The following DLG3 variants were observed in gnomAD, a reference collection of about 807,000 sequenced individuals.
The protein encoded by DLG3 is disks large homolog 3.
DLG3 carries 1 observed loss-of-function variant against 64.1 expected under a neutral mutation model. That is an observed-to-expected ratio of 0.02 (90% confidence interval 0.01 to 0.07). The LOEUF is 0.07. DLG3 is among the 10% of genes least tolerant of loss of function. The pLI is 1.00. For synonymous variants in DLG3, 245 were observed against 259.8 expected (o/e 0.94, Z 0.55); for missense variants, 429 against 669.5 (o/e 0.64, Z 3.96).
intron 10 of DLG3, among the ~76,000 whole-genome samples, chrX:70,489,894 G>T (rs749150342): frequency 2.7e-5 from 3 of 109,596 alleles, no homozygotes; most frequent in Non-Finnish European, 5.7e-5. Flanking sequence ...ACAGAGTCTC[G>T]CTCTGTCACC....
intron 9 of DLG3, among the ~76,000 whole-genome samples, chrX:70,473,318 C>G (rs751579355): frequency 9.0e-6 from 1 of 110,518 alleles, no homozygotes; most frequent in Non-Finnish European, 1.9e-5. Context: ...TTCCTTCTGT[C>G]TGGAATGCTT....
At chrX:70,479,017 C>A in intron 9 of DLG3, 133 bp from the exon 10 acceptor site, 1 of 549,718 alleles carries the variant, frequency 1.8e-6, no homozygotes, top group Non-Finnish European at 3.1e-6. Flanking sequence ...CTTATCAAAG[C>A]AAAGACTGAG....
intron 1 of DLG3, chrX:70,448,607 C>A: frequency 8.6e-7 from 1 of 1,165,715 alleles, no homozygotes; most frequent in Non-Finnish European, 1.1e-6. Flanking sequence ...CCTAGTGAAC[C>A]CTGAGACACT....
At chrX:70,484,871 G>A (rs1309183267) in intron 10 of DLG3, among the ~76,000 whole-genome samples, 2 of 111,768 alleles carry the variant, frequency 1.8e-5, no homozygotes, top group South Asian at 3.8e-4. Flanking sequence ...AGGGAGGCCC[G>A]ATCACTCCTT....
Position 70,445,346 on chromosome X carries a change from G to T in DLG3, c.145G>T (p.Ala49Ser). 1 of 1,171,012 alleles carries T rather than the reference G, an allele frequency of 8.5e-7. No homozygotes were observed. The highest frequency in any genetic ancestry group is 1.1e-6 in the Non-Finnish European group (1 of 876,331). ...YGPGGGNGAS[A>S]GYGGYSSQTL... is the part of the protein sequence containing the mutation. ...GCCAGGTGGGGGCAACGGCGCCAGC[G>T]CGGGTTATGGGGGCTACAGCTCGCA... Residue 49 changes from alanine (A) to serine (S), a missense_variant, in exon 1 of 19, where the codon GCG becomes TCG. Physicochemically the swap from Ala to Ser is moderately conservative, Grantham distance 99. Around this residue, in one of 9 missense-constraint regions of DLG3, gnomAD observed 123 missense variants for 113.3 expected, o/e 1.09. Coordinates refer to ENST00000374360, the MANE Select transcript of DLG3 (RefSeq NM_021120.4).
At chrX:70,469,168 G>A (rs2086930673) in intron 9 of DLG3, among the ~76,000 whole-genome samples, 1 of 110,302 alleles carries the variant, frequency 9.1e-6, no homozygotes, top group South Asian at 3.9e-4. Context: ...ACACCACCAC[G>A]CCTGACTAAT....
At chrX:70,446,271 G>C (rs2086567132) in intron 1 of DLG3, among the ~76,000 whole-genome samples, 1 of 110,816 alleles carries the variant, frequency 9.0e-6, no homozygotes, top group Non-Finnish European at 1.9e-5. Context: ...GTGTGAGTGT[G>C]TGTTTGTATG....
intron 18 of DLG3, among the ~76,000 whole-genome samples, chrX:70,501,653 C>G: frequency 9.0e-6 from 1 of 111,209 alleles, no homozygotes; most frequent in South Asian, 3.9e-4. Flanking sequence ...CATCCATGTC[C>G]TTGTTTGCTG....
chrX:70,457,750 T>C (rs1446517850), intron 9 of DLG3, among the ~76,000 whole-genome samples: 1 of 110,246 alleles, frequency 9.1e-6, no homozygotes, highest in Non-Finnish European at 1.9e-5. Context: ...TTTTTGTATT[T>C]TTAGTAGAGA....
At chrX:70,490,268 C>T (rs2087335204) in intron 10 of DLG3, among the ~76,000 whole-genome samples, 1 of 112,016 alleles carries the variant, frequency 8.9e-6, no homozygotes, top group Non-Finnish European at 1.9e-5. Context: ...TCTTTGAAAC[C>T]CATAATGACA....
At chrX:70,484,957 AT>A (rs1217681006) in intron 10 of DLG3, among the ~76,000 whole-genome samples, 5 of 112,112 alleles carry the variant, frequency 4.5e-5, no homozygotes, top group Admixed American at 9.5e-5. Context: ...GCTGCTGGAA[AT>A]TTAATTCTTA....
chrX:70,497,108 T>G, intron 13 of DLG3: 3 of 1,055,044 alleles, frequency 2.8e-6, no homozygotes, highest in African/African-American at 1.8e-5. Flanking sequence ...CCTGGAGCAT[T>G]TGAGTTTTGT....
chrX:70,471,708 A>G (rs1389588933), intron 9 of DLG3, among the ~76,000 whole-genome samples: 1 of 111,368 alleles, frequency 9.0e-6, no homozygotes, highest in Admixed American at 9.6e-5. Context: ...CTCACTCTAC[A>G]TCCAATCAGA....
chrX:70,461,567 G>GC (rs969200403), intron 9 of DLG3, among the ~76,000 whole-genome samples: 33 of 101,785 alleles, frequency 3.2e-4, no homozygotes, highest in Non-Finnish European at 4.7e-4. Context: ...AAATGATAGG[G>GC]CCCCCCCTTT....
chrX:70,466,524 C>G (rs950997896), intron 9 of DLG3, among the ~76,000 whole-genome samples: 1 of 105,741 alleles, frequency 9.5e-6, no homozygotes, highest in African/African-American at 3.5e-5. Context: ...CTGCAACCTT[C>G]GCTTCCCAGG....
In DLG3 at chrX:70,498,533, T is replaced by C; in HGVS notation, c.1833T>C (p.Asp611=). 1 of 1,209,696 alleles carries C rather than the reference T, an allele frequency of 8.3e-7. No individual in the cohort carries two copies. Among genetic ancestry groups the C allele is most frequent in the Non-Finnish European group, 1.1e-6 (1 of 894,451 alleles). The stretch of plus-strand genomic sequence containing the variant: ...TTTTTGTTGCAGAAGGACAAGAGGA[T>C]GCTATTTTGTCATATGAGCCAGTGA... The part of the protein sequence containing the change: ...YGAKNLKGQE[D]AILSYEPVTR... The change falls in exon 14 of 19, where the codon GAT becomes GAC. Residue 611 remains aspartate, a synonymous_variant. Coordinates refer to ENST00000374360, the MANE Select transcript of DLG3 (RefSeq NM_021120.4).
chrX:70,480,182 A>G (rs941344592), intron 10 of DLG3, among the ~76,000 whole-genome samples: 3 of 112,132 alleles, frequency 2.7e-5, no homozygotes, highest in African/African-American at 9.7e-5. Flanking sequence ...GTGTGGGGTC[A>G]TATCAAACTC....
rs376582988 is a variant in DLG3 at position 70,492,609 on chromosome X, C to T, written c.1773+13C>T. ...TGAGTCTAACAGGGTAAGTGGGGAT[C>T]CCCAAGGAAATCAGCCAGTAGGTAA... On this transcript the variant is annotated intron_variant, in intron 12 of 18. Coordinates refer to ENST00000374360, the MANE Select transcript of DLG3 (RefSeq NM_021120.4). The T allele has an allele frequency of 1.0e-5, 12 of 1,201,727 alleles. No homozygotes were observed. The highest frequency in any genetic ancestry group is 1.7e-5 in the African/African-American group (1 of 57,705).
chrX:70,448,754 T>A (rs1007695110), intron 1 of DLG3, 159 bp from the exon 2 acceptor site: 1 of 952,765 alleles, frequency 1.0e-6, no homozygotes, highest in Non-Finnish European at 1.5e-6. Context: ...AGGAGCGGCC[T>A]CTTCCAGGTC....
Sources: gnomAD v4.1 joint callset for allele counts (sites outside exome capture counted in the v4.1 genomes callset) on GRCh38, gnomAD v4.1.1 for gene constraint, gnomAD v4.1.1 regional missense constraint, MANE v1.5 for transcripts, NCBI Gene and HGNC (gene_info 2026-07-23, HGNC 2026-07-21) for gene names.